Variants in BLTP3A observed in about 807,000 individuals in gnomAD.
BLTP3A encodes bridge-like lipid transfer protein family member 3A, also known as ICBP90 binding protein 1.
the BLTP3A span, among the ~76,000 whole-genome samples, chr6:34,811,979 A>G: frequency 6.6e-6 from 1 of 152,022 alleles, no homozygotes; most frequent in Non-Finnish European, 1.5e-5. Context: ...GAGAGCTATG[A>G]TTGTGCCAGT....
At chr6:34,854,187 A>G in the BLTP3A span, among the ~76,000 whole-genome samples, 1 of 152,112 alleles carries the variant, frequency 6.6e-6, no homozygotes, top group Non-Finnish European at 1.5e-5. Flanking sequence ...GTGCCACCGC[A>G]CTCCAGCCTG....
At chr6:34,834,633 T>G in the BLTP3A span, 1 of 1,524,842 alleles carries the variant, frequency 6.6e-7, no homozygotes, top group East Asian at 2.2e-5. Context: ...TGGGAGTCTC[T>G]GCCTTGCCAG....
the BLTP3A span, among the ~76,000 whole-genome samples, chr6:34,833,418 T>G: frequency 2.0e-5 from 3 of 152,160 alleles, no homozygotes; most frequent in Non-Finnish European, 4.4e-5. Flanking sequence ...AAGATTTTTT[T>G]TTTTTTTGAC....
At chr6:34,840,680 A>C in the BLTP3A span, among the ~76,000 whole-genome samples, 25 of 151,500 alleles carry the variant, frequency 1.7e-4, no homozygotes, top group African/African-American at 5.8e-4. Flanking sequence ...CAGTGGCACA[A>C]TCTTGGCTCA....
chr6:34,859,778 A>G, the BLTP3A span, among the ~76,000 whole-genome samples: 1 of 152,076 alleles, frequency 6.6e-6, no homozygotes, highest in African/African-American at 2.4e-5. Context: ...TCACTGATTC[A>G]CTATTTTTTC....
the BLTP3A span, among the ~76,000 whole-genome samples, chr6:34,837,194 C>T: frequency 2.6e-5 from 4 of 152,292 alleles, no homozygotes; most frequent in African/African-American, 9.6e-5. Flanking sequence ...ATTAAATAGA[C>T]TTTTCTCTTG....
the BLTP3A span, among the ~76,000 whole-genome samples, chr6:34,866,135 C>T: frequency 1.3e-5 from 2 of 152,158 alleles, no homozygotes; most frequent in Non-Finnish European, 2.9e-5. Context: ...AAAGAGAAGG[C>T]CGGCACAGTA....
At chr6:34,795,696 T>TG in the BLTP3A span, among the ~76,000 whole-genome samples, 1 of 152,106 alleles carries the variant, frequency 6.6e-6, no homozygotes, top group Non-Finnish European at 1.5e-5. Flanking sequence ...CCACCGTGCC[T>TG]GGCCTGAACA....
At chr6:34,805,900 G>A in the BLTP3A span, among the ~76,000 whole-genome samples, 1 of 152,036 alleles carries the variant, frequency 6.6e-6, no homozygotes, top group Non-Finnish European at 1.5e-5. Context: ...ATAAAAGCTT[G>A]TAGACTGGGC....
the BLTP3A span, chr6:34,855,739 A>G: frequency 9.9e-6 from 16 of 1,612,078 alleles, no homozygotes; most frequent in African/African-American, 1.5e-4. Flanking sequence ...ATTCTCGCAT[A>G]GCCCAAAATA....
the BLTP3A span, among the ~76,000 whole-genome samples, chr6:34,820,739 A>G: frequency 1.7e-4 from 25 of 148,966 alleles, no homozygotes; most frequent in Admixed American, 6.1e-4. Flanking sequence ...GTACAGTGTC[A>G]TGATCACGGC....
chr6:34,874,549 C>T, the BLTP3A span: 15 of 152,314 alleles, frequency 9.8e-5, no homozygotes, highest in African/African-American at 3.4e-4. Context: ...AAACACAAAA[C>T]CACAGAAGGG....
At chr6:34,827,851 C>T in the BLTP3A span, among the ~76,000 whole-genome samples, 3 of 152,010 alleles carry the variant, frequency 2.0e-5, no homozygotes, top group African/African-American at 7.2e-5. Flanking sequence ...AGGCTGGTCT[C>T]GAACTCCTGA....
chr6:34,809,372 T>A, the BLTP3A span, among the ~76,000 whole-genome samples: 68,693 of 151,942 alleles, frequency 0.45, 17,758 homozygotes, highest in African/African-American at 0.72. Context: ...CAGCCTGAGC[T>A]ACAGAGCAAG....
chr6:34,809,610 G>C, the BLTP3A span, among the ~76,000 whole-genome samples: 1 of 152,120 alleles, frequency 6.6e-6, no homozygotes, highest in East Asian at 1.9e-4. Context: ...CTGTTGCCCA[G>C]ACTGGAGTGC....
chr6:34,852,256 G>A, the BLTP3A span, among the ~76,000 whole-genome samples: 1 of 152,018 alleles, frequency 6.6e-6, no homozygotes, highest in African/African-American at 2.4e-5. Context: ...AGCACAGCCC[G>A]GGGTCTCAAC....
chr6:34,858,223 G>C, the BLTP3A span: 1 of 1,614,180 alleles, frequency 6.2e-7, no homozygotes, highest in Non-Finnish European at 8.5e-7. Flanking sequence ...TACACGTCAT[G>C]CTCCACATTG....
chr6:34,852,077 G>A, the BLTP3A span, among the ~76,000 whole-genome samples: 1 of 151,880 alleles, frequency 6.6e-6, no homozygotes, highest in East Asian at 1.9e-4. Flanking sequence ...GCTAAAGCCT[G>A]GAATCGGGGA....
chr6:34,804,557 G>A, the BLTP3A span, among the ~76,000 whole-genome samples: 2 of 152,094 alleles, frequency 1.3e-5, no homozygotes, highest in Admixed American at 1.3e-4. Context: ...ATACTGAGAA[G>A]CAGCAGGGTG....
Sources: gnomAD v4.1 joint callset for allele counts (sites outside exome capture counted in the v4.1 genomes callset) on GRCh38, gnomAD v4.1.1 for gene constraint, MANE v1.5 for transcripts, NCBI Gene and HGNC (gene_info 2026-07-23, HGNC 2026-07-21) for gene names.